CNTN4: variants seen among roughly 807,000 people sequenced by gnomAD.
CNTN4 encodes the protein contactin 4.
CNTN4 carries 77 observed loss-of-function variants against 122.5 expected under a neutral mutation model. That is an observed-to-expected ratio of 0.63 (90% confidence interval 0.52 to 0.76). The LOEUF (loss-of-function observed/expected upper bound fraction) is 0.76, where lower values mean the gene tolerates loss of function less well. Ranked by LOEUF, CNTN4 falls within the 30% of genes least tolerant of loss-of-function variation. The pLI is 0.00. For missense variants in CNTN4, 1,256 were observed against 1,259.1 expected (o/e 1.00, Z 0.04); for synonymous variants, 512 against 447.0 (o/e 1.15, Z -1.83).
intron 3 of CNTN4, among the ~76,000 whole-genome samples, chr3:2,367,889 C>G (rs908089489): frequency 6.6e-6 from 1 of 152,126 alleles, no homozygotes; most frequent in Non-Finnish European, 1.5e-5. Context: ...TACTGAGTGT[C>G]ATTAGATTGG....
In CNTN4 at chr3:2,325,471, C is replaced by A. The variant is rs560766323; in HGVS notation, c.-144-13707C>A. Among the ~76,000 whole-genome samples the A allele has an allele frequency of 2.2e-4, 34 of 152,244 alleles. 1 individual carries two copies. The highest frequency in any genetic ancestry group is 8.2e-4 in the African/African-American group (34 of 41,548). ...TTAGCATTCTCCCTAATTTTAAGAA[C>A]GCCTTTTGTTTTTATGGTCTTACTT... On this transcript the variant is annotated intron_variant, in intron 2 of 24. Coordinates refer to ENST00000418658, the MANE Select transcript of CNTN4 (RefSeq NM_175607.3).
chr3:2,798,291 GTGTA>G (rs80304165), intron 6 of CNTN4, among the ~76,000 whole-genome samples: 47,713 of 99,610 alleles, frequency 0.48, 8,191 homozygotes, highest in Non-Finnish European at 0.58. Context: ...GTGTGTGTGT[GTGTA>G]TATATATATA....
intron 23 of CNTN4, among the ~76,000 whole-genome samples, chr3:3,050,783 A>T (rs1701185617): frequency 6.7e-6 from 1 of 148,804 alleles, no homozygotes; most frequent in Admixed American, 6.8e-5. Context: ...AAAAAAAAAA[A>T]TCCAGGCTCT....
In CNTN4 at chr3:2,917,036, C is replaced by G. The variant is rs920033837; in HGVS notation, c.1208-8593C>G. ...CATTGAGCACTGAGTGAACCAGACTCCGTCTGCCATCCCGGCACCTCGGGA... is the reference window on the plus strand; with the variant it reads ...CATTGAGCACTGAGTGAACCAGACTGCGTCTGCCATCCCGGCACCTCGGGA... On this transcript the variant is annotated intron_variant, in intron 12 of 24. Coordinates refer to ENST00000418658, the MANE Select transcript of CNTN4 (RefSeq NM_175607.3). Among the ~76,000 whole-genome samples the G allele has an allele frequency of 9.6e-5, 12 of 125,288 alleles. 4 individuals carry two copies. The highest frequency in any genetic ancestry group is 3.3e-4 in the African/African-American group (11 of 33,642). 82.2% of individuals were successfully genotyped at this position (125,288 alleles called of 152,430 possible).
chr3:2,117,421 G>A (rs377659381), intron 2 of CNTN4, among the ~76,000 whole-genome samples: 3 of 152,270 alleles, frequency 2.0e-5, no homozygotes, highest in South Asian at 2.1e-4. Context: ...GCATCTGAAC[G>A]CTGTCCTTCT....
At chr3:2,824,039 G>C (rs1329655206) in intron 7 of CNTN4, among the ~76,000 whole-genome samples, 2 of 152,160 alleles carry the variant, frequency 1.3e-5, no homozygotes, top group African/African-American at 4.8e-5. Context: ...CCCCACCTCT[G>C]GGCAGTGAGG....
intron 2 of CNTN4, among the ~76,000 whole-genome samples, chr3:2,245,420 A>T (rs536577419): frequency 1.3e-4 from 20 of 152,178 alleles, no homozygotes; most frequent in Admixed American, 3.3e-4. Flanking sequence ...GAATATCACA[A>T]TTCATAGATT....
intron 2 of CNTN4, among the ~76,000 whole-genome samples, chr3:2,289,848 G>A (rs2042070423): frequency 6.6e-6 from 1 of 152,096 alleles, no homozygotes; most frequent in African/African-American, 2.4e-5. Flanking sequence ...GATAGTGGCT[G>A]AATAACATTA....
intron 3 of CNTN4, among the ~76,000 whole-genome samples, chr3:2,506,275 C>G (rs1007156102): frequency 9.9e-5 from 15 of 152,174 alleles, no homozygotes; most frequent in Non-Finnish European, 1.5e-5. Context: ...TGCTATCTAC[C>G]TAGCGCCTAC....
chr3:2,246,162 A>T (rs9836759), intron 2 of CNTN4, among the ~76,000 whole-genome samples: 3,443 of 151,732 alleles, frequency 0.023, 129 homozygotes, highest in African/African-American at 0.079. Context: ...GTGTTTTTTT[A>T]AAAAAAATAT....
At chr3:2,944,400 C>T (rs1577355940) in intron 13 of CNTN4, among the ~76,000 whole-genome samples, 2 of 152,178 alleles carry the variant, frequency 1.3e-5, no homozygotes, top group African/African-American at 4.8e-5. Context: ...TGAACTGGCT[C>T]CTCCTCCATG....
intron 7 of CNTN4, among the ~76,000 whole-genome samples, chr3:2,825,133 C>T (rs1425065930): frequency 6.6e-6 from 1 of 152,094 alleles, no homozygotes; most frequent in African/African-American, 2.4e-5. Flanking sequence ...ATAATTCTAG[C>T]ATTTTGTGAG....
chr3:2,250,655 C>T (rs1466619484), intron 2 of CNTN4, among the ~76,000 whole-genome samples: 1 of 151,818 alleles, frequency 6.6e-6, no homozygotes, highest in Non-Finnish European at 1.5e-5. Flanking sequence ...TGTTTTGGAA[C>T]CCTTGCTCAT....
rs570486975 is a variant in CNTN4 at position 2,871,182 on chromosome 3, T to A, written c.652+4233T>A. Among the ~76,000 whole-genome samples, 8 of 152,314 alleles carry A rather than the reference T, an allele frequency of 5.3e-5. 1 individual carries two copies. The East Asian group carries it at 9.6e-4, about 18-fold the overall frequency. On this transcript the variant is annotated intron_variant, in intron 8 of 24. Transcript: ENST00000418658. ...CTTTGAATGTGTCAGTTTAACCTCA[T>A]TGTACTTAGTTTTCTCATCAGTAAG...
chr3:2,209,905 T>C (rs2038533201), intron 2 of CNTN4, among the ~76,000 whole-genome samples: 1 of 152,124 alleles, frequency 6.6e-6, no homozygotes, highest in Non-Finnish European at 1.5e-5. Flanking sequence ...TGGGCCCATA[T>C]TGGATGTGTA....
intron 3 of CNTN4, among the ~76,000 whole-genome samples, chr3:2,532,269 G>C (rs1262493445): frequency 6.6e-6 from 1 of 151,332 alleles, no homozygotes; most frequent in East Asian, 1.9e-4. Flanking sequence ...TTGTTTTTTT[G>C]AGAGACAGCA....
chr3:2,964,001 T>A (rs7626135), intron 13 of CNTN4, among the ~76,000 whole-genome samples: 1 of 152,016 alleles, frequency 6.6e-6, no homozygotes, highest in African/African-American at 2.4e-5. Flanking sequence ...CGTATCAGTT[T>A]TGTTCACTAT....
intron 2 of CNTN4, among the ~76,000 whole-genome samples, chr3:2,296,384 G>T (rs529172877): frequency 1.3e-5 from 2 of 152,104 alleles, no homozygotes; most frequent in East Asian, 1.9e-4. Context: ...CCTTGAAGAG[G>T]TCCTTTACAT....
At chr3:2,107,426 C>A (rs1452496579) in intron 2 of CNTN4, among the ~76,000 whole-genome samples, 1 of 152,026 alleles carries the variant, frequency 6.6e-6, no homozygotes, top group African/African-American at 2.4e-5. Context: ...TACATGGCAG[C>A]AAGCAAGAGA....
Sources: gnomAD v4.1 joint callset for allele counts (sites outside exome capture counted in the v4.1 genomes callset) on GRCh38, gnomAD v4.1.1 for gene constraint, MANE v1.5 for transcripts, NCBI Gene and HGNC (gene_info 2026-07-23, HGNC 2026-07-21) for gene names.